The following VGLL3 variants were observed in gnomAD, a reference collection of about 807,000 sequenced individuals.
The protein encoded by VGLL3 is transcription cofactor vestigial-like protein 3.
A neutral mutation model predicts 29.2 loss-of-function variants in VGLL3; 18 were observed. The observed-to-expected ratio is 0.62, with a 90% CI of 0.43 to 0.91. The LOEUF (loss-of-function observed/expected upper bound fraction) is 0.91, where lower values mean the gene tolerates loss of function less well. Ranked by LOEUF, VGLL3 falls within the 40% of genes least tolerant of loss-of-function variation. The probability of loss-of-function intolerance (pLI) is 0.00; values close to 1 mark genes in which losing one functional copy is unlikely to be tolerated. For synonymous variants in VGLL3, 180 were observed against 151.8 expected (o/e 1.19, Z -1.36); for missense variants, 440 against 413.2 (o/e 1.06, Z -0.56).
intron 3 of VGLL3, 79 bp from the exon 4 acceptor site, chr3:86,947,146 T>C (rs1158582778): frequency 2.6e-6 from 2 of 766,436 alleles, no homozygotes; most frequent in East Asian, 4.9e-5. Context: ...CTGCAATACA[T>C]TGGATATAGA....
intron 3 of VGLL3, among the ~76,000 whole-genome samples, chr3:86,957,500 A>G (rs1704747329): frequency 6.6e-6 from 1 of 152,174 alleles, no homozygotes; most frequent in South Asian, 2.1e-4. Flanking sequence ...CGTCTAGAAA[A>G]CACAAGCTCA....
At chr3:86,974,100 A>G (rs578111175) in intron 2 of VGLL3, among the ~76,000 whole-genome samples, 2 of 152,096 alleles carry the variant, frequency 1.3e-5, no homozygotes, top group South Asian at 4.2e-4. Flanking sequence ...TAAGGGACCA[A>G]TCATATTCAT....
At chr3:86,961,809 T>C in intron 3 of VGLL3, 1 of 521,446 alleles carries the variant, frequency 1.9e-6, no homozygotes, top group Non-Finnish European at 2.5e-6. Flanking sequence ...ATGGCTTCTA[T>C]TATGCAGAAG....
chr3:86,965,363 T>C (rs903459797), intron 3 of VGLL3, among the ~76,000 whole-genome samples: 2 of 151,936 alleles, frequency 1.3e-5, no homozygotes, highest in Non-Finnish European at 2.9e-5. Context: ...CGATGCTGAG[T>C]TTTCAGCTGA....
chr3:86,981,690 A>T, intron 1 of VGLL3, among the ~76,000 whole-genome samples: 1 of 152,090 alleles, frequency 6.6e-6, no homozygotes, highest in Admixed American at 6.5e-5. Context: ...TTGCTAGAAA[A>T]CTATCAAACA....
chr3:86,982,376 C>A (rs978207625), intron 1 of VGLL3, among the ~76,000 whole-genome samples: 1 of 151,612 alleles, frequency 6.6e-6, no homozygotes, highest in Non-Finnish European at 1.5e-5. Context: ...AAACTCCTGA[C>A]CTCAGGTGAT....
chr3:86,960,612 T>C (rs1704817565), intron 3 of VGLL3, among the ~76,000 whole-genome samples: 5 of 152,146 alleles, frequency 3.3e-5, no homozygotes, highest in East Asian at 1.9e-4. Flanking sequence ...TGTGGACTAG[T>C]AGCTATTGTA....
intron 2 of VGLL3, among the ~76,000 whole-genome samples, chr3:86,972,964 A>G (rs1705134494): frequency 6.6e-6 from 1 of 152,204 alleles, no homozygotes; most frequent in South Asian, 2.1e-4. Context: ...AAGCAAACCC[A>G]GTAATCTCAC....
chr3:86,969,160 A>G, intron 2 of VGLL3, 37 bp from the exon 3 acceptor site: 1 of 1,526,196 alleles, frequency 6.6e-7, no homozygotes, highest in Non-Finnish European at 8.8e-7. Context: ...TATTAACATA[A>G]GACTCAGTTT....
chr3:86,990,904 C>A lies in VGLL3; in HGVS notation c.-161G>T. 2.7e-6 allele frequency: 3 copies of A among 1,118,400 alleles called. No individual in the cohort carries two copies. Among genetic ancestry groups the A allele is most frequent in the Non-Finnish European group, 3.3e-6 (3 of 910,514 alleles). 69.3% of individuals were successfully genotyped at this position (1,118,400 alleles called of 1,614,324 possible). ...CGGCGGCCTCGGGCTCCGCGCGGGG[C>A]GCGGGGTCGGGAGGGACTGGCAATC... On this transcript the variant is annotated 5_prime_UTR_variant, in exon 1 of 4. Coordinates refer to ENST00000398399, the MANE Select transcript of VGLL3 (RefSeq NM_016206.4).
Position 86,978,598 on chromosome 3 carries a change from C to G in VGLL3, c.331G>C (p.Gly111Arg). Residue 111 changes from glycine to arginine, a missense_variant, in exon 2 of 4, where the codon GGC becomes CGC. By Grantham distance (125) the Gly-to-Arg change is moderately radical (BLOSUM62 -2). Coordinates refer to ENST00000398399, the MANE Select transcript of VGLL3 (RefSeq NM_016206.4). ...TCTGGATGGAGGGTGATGGCTTGGC[C>G]CAAAGCTCTTGAGAAGTGTTCATCC... The part of the protein sequence containing the change: ...VVDEHFSRAL[G>R]QAITLHPESA... 1.2e-6 allele frequency: 2 copies of G among 1,614,104 alleles called. No individual in the cohort carries two copies. The highest frequency in any genetic ancestry group is 1.7e-6 in the Non-Finnish European group (2 of 1,180,014).
chr3:86,983,265 T>C (rs1705367142), intron 1 of VGLL3, among the ~76,000 whole-genome samples: 1 of 152,260 alleles, frequency 6.6e-6, no homozygotes, highest in Non-Finnish European at 1.5e-5. Flanking sequence ...ACAATGATTC[T>C]TTCATATTCA....
chr3:86,943,896 G>A lies in VGLL3; in HGVS notation c.*3128C>T, dbSNP rs1704449989. 1 of 152,062 alleles carries A rather than the reference G, an allele frequency of 6.6e-6. No individual in the cohort carries two copies. Among genetic ancestry groups the A allele is most frequent in the Non-Finnish European group, 1.5e-5 (1 of 68,004 alleles). The allele number at this position is 152,062 out of a possible 1,614,324, so 9.4% of individuals were successfully genotyped here. The stretch of plus-strand genomic sequence containing the variant: ...TACTTCACAGATATTTAGAAAGCTT[G>A]AATAAAATCTGATTTGTAAAATCAG... On this transcript the variant is annotated 3_prime_UTR_variant, in exon 4 of 4. Transcript: ENST00000398399.
intron 1 of VGLL3, among the ~76,000 whole-genome samples, chr3:86,981,699 C>A (rs991712526): frequency 6.6e-6 from 1 of 151,930 alleles, no homozygotes; most frequent in African/African-American, 2.4e-5. Context: ...AACTATCAAA[C>A]AAATAAAATG....
intron 3 of VGLL3, among the ~76,000 whole-genome samples, chr3:86,952,038 A>C (rs1704628437): frequency 6.6e-6 from 1 of 152,182 alleles, no homozygotes; most frequent in Non-Finnish European, 1.5e-5. Flanking sequence ...ATAAGAATGA[A>C]AAGACAGAAC....
chr3:86,969,349 C>G (rs968989023), intron 2 of VGLL3, among the ~76,000 whole-genome samples: 1 of 152,192 alleles, frequency 6.6e-6, no homozygotes, highest in Non-Finnish European at 1.5e-5. Flanking sequence ...AGCCTCCCTC[C>G]ATTTGCTTTG....
At chr3:86,967,099 A>T (rs1704981129) in intron 3 of VGLL3, among the ~76,000 whole-genome samples, 1 of 151,958 alleles carries the variant, frequency 6.6e-6, no homozygotes, top group Non-Finnish European at 1.5e-5. Flanking sequence ...CAATAATCAC[A>T]TCCATTTCCC....
rs1705026950 is a variant in VGLL3 at position 86,969,004 on chromosome 3, G to T, written c.523C>A (p.Pro175Thr). 3 of 1,614,150 alleles carry T rather than the reference G, an allele frequency of 1.9e-6. No homozygotes were observed. The highest frequency in any genetic ancestry group is 2.5e-6 in the Non-Finnish European group (3 of 1,180,028). The change falls in exon 3 of 4, where the codon CCC (proline) becomes ACC (threonine). Residue 175 changes from proline (P) to threonine (T), a missense_variant. Coordinates refer to ENST00000398399, the MANE Select transcript of VGLL3 (RefSeq NM_016206.4). ...TCAGCTGCAGAAAAGGTGCCAGGGG[G>T]TCCAGTGACCTGGAAGTCAGGATGA... The part of the protein sequence containing the change: ...GVHPDFQVTG[P>T]PGTFSAADPS...
At chr3:86,987,345 T>A (rs932747179) in intron 1 of VGLL3, among the ~76,000 whole-genome samples, 1 of 152,172 alleles carries the variant, frequency 6.6e-6, no homozygotes, top group Non-Finnish European at 1.5e-5. Context: ...CAAGGGCACT[T>A]AATTTTTTCA....
Sources: allele counts gnomAD v4.1 joint callset (sites outside exome capture counted in the v4.1 genomes callset), GRCh38; gene constraint gnomAD v4.1.1; transcripts MANE v1.5; gene names NCBI Gene and HGNC (gene_info 2026-07-23, HGNC 2026-07-21).